Variants in TMEM108 observed in about 807,000 individuals in gnomAD.
TMEM108 encodes transmembrane protein 108.
In TMEM108, 12 loss-of-function variants were observed where a neutral mutation model predicts 35.1. The observed-to-expected ratio is 0.34, with a 90% CI of 0.22 to 0.55. The LOEUF is 0.55. TMEM108 is among the 20% of genes least tolerant of loss of function. The pLI is 0.89. For missense variants in TMEM108, 680 were observed against 753.3 expected (o/e 0.90, Z 1.14); for synonymous variants, 287 against 308.6 (o/e 0.93, Z 0.73).
At chr3:133,073,510 C>CTCTCTCTCTATATATATATATATATATA in intron 2 of TMEM108, among the ~76,000 whole-genome samples, 1 of 43,920 alleles carries the variant, frequency 2.3e-5, no homozygotes. Flanking sequence ...CTCTCTCTCT[C>CTCTCTCTCTATATATATATATATATATA]TATATATATA....
chr3:133,371,137 A>G (rs1248302480), intron 3 of TMEM108, among the ~76,000 whole-genome samples: 2 of 152,174 alleles, frequency 1.3e-5, no homozygotes, highest in Non-Finnish European at 2.9e-5. Context: ...TGATGTCTCA[A>G]TCCAGAGTGG....
intron 1 of TMEM108, among the ~76,000 whole-genome samples, chr3:133,045,337 G>C (rs1173835653): frequency 3.3e-5 from 5 of 152,170 alleles, no homozygotes; most frequent in Non-Finnish European, 5.9e-5. Flanking sequence ...GAGACTCAGA[G>C]TAGTTAAGTA....
In TMEM108 at chr3:133,323,649, A is replaced by G. The variant is rs541458460; in HGVS notation, c.41-56103A>G. On this transcript the variant is annotated intron_variant, in intron 3 of 5. Transcript: ENST00000321871. ...CAACTCCCATCAAAATACCATCATCATTCTTCACAAAACTAGAAAAAATAA... is the reference window on the plus strand; with the variant it reads ...CAACTCCCATCAAAATACCATCATCGTTCTTCACAAAACTAGAAAAAATAA... Among the ~76,000 whole-genome samples the G allele has an allele frequency of 1.1e-3, 168 of 152,298 alleles. No individual in the cohort carries two copies. The Middle Eastern group carries it at 0.017, about 15-fold the overall frequency.
chr3:133,209,771 G>A (rs1945810158), intron 2 of TMEM108, among the ~76,000 whole-genome samples: 1 of 152,094 alleles, frequency 6.6e-6, no homozygotes, highest in African/African-American at 2.4e-5. Context: ...AGGAAAAGGA[G>A]CACTTTTCTA....
chr3:133,158,465 T>TAAAAAAAA (rs11328701), intron 2 of TMEM108, among the ~76,000 whole-genome samples: 137 of 80,350 alleles, frequency 1.7e-3, no homozygotes, highest in Non-Finnish European at 2.3e-3. Context: ...AGACTCTGTC[T>TAAAAAAAA]AAAAAAAAAA....
intron 3 of TMEM108, among the ~76,000 whole-genome samples, chr3:133,286,773 A>G (rs1479728087): frequency 2.0e-5 from 3 of 152,212 alleles, no homozygotes; most frequent in Admixed American, 2.0e-4. Flanking sequence ...TGGCCACTAA[A>G]TGGTCCTGAG....
rs367983933 is a variant in TMEM108, at chr3:133,388,477, T to C, written c.1451-1703T>C. Reference sequence around the variant, plus strand: ...CTTCAACCATCTGAAGAAAGGGTTTTTTGGAAGGAAGGGAGGGAAAGAGGA... The same window carrying C: ...CTTCAACCATCTGAAGAAAGGGTTTCTTGGAAGGAAGGGAGGGAAAGAGGA... On this transcript the variant is annotated intron_variant, in intron 4 of 5. Coordinates refer to ENST00000321871, the MANE Select transcript of TMEM108 (RefSeq NM_023943.4). The C allele has an allele frequency of 3.6e-5, 35 of 985,454 alleles. No individual in the cohort carries two copies. The African/African-American group carries it at 5.9e-4, about 17-fold the overall frequency. The allele number at this position is 985,454 out of a possible 1,614,324, so 61.0% of individuals were successfully genotyped here.
chr3:133,253,572 T>G (rs760810062), intron 3 of TMEM108: 2 of 152,240 alleles, frequency 1.3e-5, no homozygotes, highest in Non-Finnish European at 2.9e-5. Context: ...GTATGTGGTC[T>G]CTTCAAGTTA....
intron 3 of TMEM108, chr3:133,378,520 C>T: frequency 2.0e-6 from 2 of 985,474 alleles, no homozygotes; most frequent in Non-Finnish European, 2.4e-6. Flanking sequence ...CTGAGGATGA[C>T]AAAGAAGGGG....
At chr3:133,132,688 CTTA>C (rs905477535) in intron 2 of TMEM108, among the ~76,000 whole-genome samples, 5 of 152,196 alleles carry the variant, frequency 3.3e-5, no homozygotes, top group South Asian at 4.1e-4. Flanking sequence ...ACTTTCAAGT[CTTA>C]TTATTTAAGA....
At chr3:133,388,022 G>A (rs1431960278) in intron 4 of TMEM108, 2 of 985,338 alleles carry the variant, frequency 2.0e-6, no homozygotes, top group South Asian at 4.7e-5. Flanking sequence ...CTATGGCAGT[G>A]TTTTGTGGGG....
chr3:133,107,942 T>C, intron 2 of TMEM108, among the ~76,000 whole-genome samples: 1 of 152,140 alleles, frequency 6.6e-6, no homozygotes, highest in Non-Finnish European at 1.5e-5. Context: ...TATAAAAATG[T>C]TGTTTATAGC....
chr3:133,125,951 G>A (rs1944410182), intron 2 of TMEM108, among the ~76,000 whole-genome samples: 1 of 152,108 alleles, frequency 6.6e-6, no homozygotes. Flanking sequence ...CCTTTGATCT[G>A]GAACACCAAT....
chr3:133,178,816 A>G (rs1286579464), intron 2 of TMEM108, among the ~76,000 whole-genome samples: 6 of 152,208 alleles, frequency 3.9e-5, no homozygotes, highest in Admixed American at 3.3e-4. Context: ...GATGGGATCT[A>G]ATTAAACTAA....
chr3:133,308,846 G>A (rs1169836002), intron 3 of TMEM108, among the ~76,000 whole-genome samples: 2 of 151,834 alleles, frequency 1.3e-5, no homozygotes, highest in Non-Finnish European at 2.9e-5. Context: ...TCTTTGCCAG[G>A]CTTTGGTATC....
intron 3 of TMEM108, among the ~76,000 whole-genome samples, chr3:133,261,777 G>T (rs1450914717): frequency 6.6e-6 from 1 of 152,210 alleles, no homozygotes; most frequent in African/African-American, 2.4e-5. Context: ...AAAATGATCT[G>T]CAGGAGGGAA....
intron 2 of TMEM108, among the ~76,000 whole-genome samples, chr3:133,180,937 A>G (rs1461709381): frequency 1.4e-5 from 2 of 147,102 alleles, no homozygotes; most frequent in Admixed American, 7.0e-5. Context: ...ATTTTTAACA[A>G]GCTTTTCACA....
chr3:133,198,915 C>G (rs541358216), intron 2 of TMEM108, among the ~76,000 whole-genome samples: 6 of 152,320 alleles, frequency 3.9e-5, no homozygotes, highest in Non-Finnish European at 7.3e-5. Flanking sequence ...CTCCCTGTCA[C>G]TTTCAGGTAC....
At chr3:133,349,591 CA>C (rs34235202) in intron 3 of TMEM108, among the ~76,000 whole-genome samples, 6 of 147,532 alleles carry the variant, frequency 4.1e-5, no homozygotes, top group African/African-American at 1.0e-4. Flanking sequence ...AACTTAATAG[CA>C]AAAAAAAAAC....
Sources: allele counts gnomAD v4.1 joint callset (sites outside exome capture counted in the v4.1 genomes callset), GRCh38; gene constraint gnomAD v4.1.1; transcripts MANE v1.5; gene names NCBI Gene and HGNC (gene_info 2026-07-23, HGNC 2026-07-21).